ZNF606: variants seen among roughly 807,000 people sequenced by gnomAD.
ZNF606 encodes the protein zinc finger protein 606.
In ZNF606, 37 loss-of-function variants were observed where a neutral mutation model predicts 74.9. The observed-to-expected ratio is 0.49, with a 90% confidence interval of 0.38 to 0.65. ZNF606 has a LOEUF of 0.65. ZNF606 is among the 30% of genes least tolerant of loss of function. The probability of loss-of-function intolerance (pLI) is 0.00; values close to 1 mark genes in which losing one functional copy is unlikely to be tolerated. For synonymous variants in ZNF606, 328 were observed against 312.4 expected (o/e 1.05, Z -0.53); for missense variants, 852 against 952.9 (o/e 0.89, Z 1.39).
Position 57,999,823 on chromosome 19 carries a change from T to G in ZNF606, c.162A>C (p.Pro54=). ...CCCATCTCACCTGAACCTGGGCTGC[T>G]GGGAGCCCAGTGGCCCTCCTCCCCT... ...LEEGRRATGL[P]AAQVQEPVTF... is the part of the protein sequence containing the mutation. Residue 54 remains proline (P), a synonymous_variant, in exon 4 of 7, where the codon CCA becomes CCC. Transcript: ENST00000551380. The G allele has an allele frequency of 6.2e-7, 1 of 1,614,062 alleles. No individual in the cohort carries two copies.
upstream of ZNF606, chr19:58,002,904 C>G: frequency 2.2e-6 from 1 of 445,448 alleles, no homozygotes. Context: ...ATGACAGGTT[C>G]CTGGGCCGCG....
rs377124997 is a variant in ZNF606 at position 58,001,332 on chromosome 19, T to C, written c.-13A>G. On this transcript the variant is annotated 5_prime_UTR_variant, in exon 2 of 7. Transcript: ENST00000551380. ...TGATGGCTGCCATCCCGAGGACTGATTGACCAGGCACCTGCCCAGGAACAC... is the reference window on the plus strand; with the variant it reads ...TGATGGCTGCCATCCCGAGGACTGACTGACCAGGCACCTGCCCAGGAACAC... The C allele has an allele frequency of 2.0e-5, 32 of 1,614,000 alleles. No homozygotes were observed. The South Asian group carries it at 2.4e-4, about 12-fold the overall frequency.
At chr19:57,999,570 C>T (rs1600228849) in intron 4 of ZNF606, 2 of 523,978 alleles carry the variant, frequency 3.8e-6, no homozygotes, top group South Asian at 3.2e-5. Flanking sequence ...GCCCTTCATG[C>T]CCCACAACAA....
At position 57,978,443 on chromosome 19, in the gene ZNF606, C is replaced by T. The variant is rs1290382896; in HGVS notation, c.2237G>A (p.Cys746Tyr). ...ATGAATAATAAGGGAAGAATTCTTA[C>T]AAAATGCTTTTTCACAATGATTACA... ...YKCNHCEKAFCKNSSLIIHQR... is the reference protein window; with the variant it reads ...YKCNHCEKAFYKNSSLIIHQR... The change falls in exon 7 of 7, where the codon TGT (cysteine) becomes TAT (tyrosine). Residue 746 changes from cysteine to tyrosine, a missense_variant. This residue lies in a region of ZNF606 where 243 missense variants were observed against 359.2 expected (regional missense o/e 0.68). Coordinates refer to ENST00000551380, the MANE Select transcript of ZNF606 (RefSeq NM_001348022.3). The surrounding 1 kb of genome is among the most constrained non-coding windows in gnomAD (Gnocchi z 4.4). 1.2e-6 allele frequency: 2 copies of T among 1,614,000 alleles called. No individual in the cohort carries two copies. The highest frequency in any genetic ancestry group is 8.5e-7 in the Non-Finnish European group (1 of 1,179,888).
rs1232502767 is a variant in ZNF606, at chr19:58,002,504, C to T, written c.-160G>A. The T allele has an allele frequency of 1.4e-5, 6 of 444,434 alleles. No individual in the cohort carries two copies. The highest frequency in any genetic ancestry group is 9.5e-5 in the South Asian group (6 of 63,334). The allele number at this position is 444,434 out of a possible 1,614,324, so 27.5% of individuals were successfully genotyped here. ...CGCCGAGGTCCGGCCCAGGAGTGCG[C>T]TTGGGAGCTCCCGGCGCGGCCTCGG... On this transcript the variant is annotated 5_prime_UTR_variant, in exon 1 of 7. Coordinates refer to ENST00000551380, the MANE Select transcript of ZNF606 (RefSeq NM_001348022.3).
intron 4 of ZNF606, among the ~76,000 whole-genome samples, chr19:57,995,153 G>A (rs1007910356): frequency 7.0e-6 from 1 of 143,482 alleles, no homozygotes; most frequent in Non-Finnish European, 1.5e-5. Context: ...TGGCACCACT[G>A]CACTGCAGCC....
chr19:57,999,641 A>C (rs2073386943), intron 4 of ZNF606, 167 bp downstream of exon 4: 3 of 646,410 alleles, frequency 4.6e-6, no homozygotes, highest in Non-Finnish European at 2.7e-6. Context: ...GCTCCGAATC[A>C]CTAAAAACGG....
intron 1 of ZNF606, 31 bp from the exon 2 acceptor site, chr19:58,001,401 A>G: frequency 3.2e-6 from 5 of 1,563,390 alleles, no homozygotes; most frequent in Non-Finnish European, 3.5e-6. Context: ...AGACAAAACT[A>G]GTCCTTTCTC....
chr19:57,984,880 G>A (rs1260535467), intron 6 of ZNF606, among the ~76,000 whole-genome samples: 1 of 152,154 alleles, frequency 6.6e-6, no homozygotes, highest in Non-Finnish European at 1.5e-5. Flanking sequence ...GGATCACGAG[G>A]TCAGGAGATC....
At chr19:57,986,391 C>A (rs11669572) in intron 6 of ZNF606, among the ~76,000 whole-genome samples, 34,018 of 151,042 alleles carry the variant, frequency 0.23, 3,902 homozygotes, top group Non-Finnish European at 0.24. Context: ...GGTTGAGACT[C>A]CAGTAAGCCA....
In ZNF606 at chr19:57,979,017, G is replaced by A; in HGVS notation, c.1663C>T (p.Leu555Phe). 2 of 1,614,028 alleles carry A rather than the reference G, an allele frequency of 1.2e-6. No homozygotes were observed. The highest frequency in any genetic ancestry group is 1.7e-6 in the Non-Finnish European group (2 of 1,179,960). ...CEKAFRDYSA[L>F]SKHERTHSGA... ...GAATGAGTTCTTTCATGTTTACTAA[G>A]GGCTGAGTAGTCCCTAAAAGCTTTT... Residue 555 changes from leucine (L) to phenylalanine (F), a missense_variant, in exon 7 of 7, where the codon CTT becomes TTT. Around this residue, in one of 3 missense-constraint regions of ZNF606, gnomAD observed 243 missense variants for 359.2 expected, o/e 0.68. Transcript: ENST00000551380.
chr19:57,999,190 C>G (rs1039496938), intron 4 of ZNF606: 1 of 152,956 alleles, frequency 6.5e-6, no homozygotes, highest in African/African-American at 2.4e-5. Flanking sequence ...CTGGCTGATG[C>G]ATTCTTTTCA....
At chr19:57,988,868 G>GA in intron 4 of ZNF606, 147 bp from the exon 5 acceptor site, 1 of 1,323,494 alleles carries the variant, frequency 7.6e-7, no homozygotes, top group Non-Finnish European at 1.0e-6. Flanking sequence ...ATGTGAGTCA[G>GA]GTCTCATTGA....
At chr19:57,992,427 C>T (rs2073274796) in intron 4 of ZNF606, among the ~76,000 whole-genome samples, 1 of 152,166 alleles carries the variant, frequency 6.6e-6, no homozygotes, top group Non-Finnish European at 1.5e-5. Context: ...TACTAGCTAA[C>T]AGGAGACGAG....
chr19:57,994,595 A>G (rs1403317283), intron 4 of ZNF606, among the ~76,000 whole-genome samples: 1 of 152,190 alleles, frequency 6.6e-6, no homozygotes, highest in East Asian at 1.9e-4. Flanking sequence ...AAATACCTAT[A>G]TTAAAGTCAG....
chr19:57,982,698 G>A (rs990449741), intron 6 of ZNF606, among the ~76,000 whole-genome samples: 4 of 151,916 alleles, frequency 2.6e-5, no homozygotes, highest in African/African-American at 7.3e-5. Flanking sequence ...CAGTGGTACC[G>A]TCATAGCTCA....
chr19:57,983,379 A>C (rs988618633), intron 6 of ZNF606, among the ~76,000 whole-genome samples: 1 of 152,148 alleles, frequency 6.6e-6, no homozygotes, highest in Non-Finnish European at 1.5e-5. Context: ...GTTCAGGACC[A>C]GCCTGGCCAG....
At chr19:58,000,357 G>A (rs1312046842) in intron 3 of ZNF606, 3 of 536,810 alleles carry the variant, frequency 5.6e-6, no homozygotes, top group African/African-American at 1.9e-5. Flanking sequence ...GAGCAGCTGG[G>A]ACTACAGGCG....
chr19:58,000,751 G>A lies in ZNF606; in HGVS notation c.32-12C>T. The stretch of plus-strand genomic sequence containing the variant: ...GTCCGTAAGGGCACCTGCACAGAAG[G>A]ATCAGGTTAGGACTGTGACACCAAA... On this transcript the variant is annotated splice_polypyrimidine_tract_variant and intron_variant, in intron 2 of 6. Coordinates refer to ENST00000551380, the MANE Select transcript of ZNF606 (RefSeq NM_001348022.3). 2 of 1,581,558 alleles carry A rather than the reference G, an allele frequency of 1.3e-6. No individual in the cohort carries two copies. The highest frequency in any genetic ancestry group is 4.6e-5 in the East Asian group (2 of 43,884).
Sources: gnomAD v4.1 joint callset for allele counts (sites outside exome capture counted in the v4.1 genomes callset) on GRCh38, gnomAD v4.1.1 for gene constraint, gnomAD v4.1.1 regional missense constraint, Gnocchi (gnomAD v3.1) non-coding constraint, MANE v1.5 for transcripts, NCBI Gene and HGNC (gene_info 2026-07-23, HGNC 2026-07-21) for gene names.